MYT1L: variants seen among roughly 807,000 people sequenced by gnomAD.
MYT1L encodes myelin transcription factor 1 like.
In MYT1L, 12 loss-of-function variants were observed where a neutral mutation model predicts 126.7. That is an observed-to-expected ratio of 0.09 (90% CI 0.06 to 0.15). MYT1L has a LOEUF of 0.15. Ranked by LOEUF, MYT1L falls within the 10% of genes least tolerant of loss-of-function variation. The probability of loss-of-function intolerance (pLI) is 1.00; values close to 1 mark genes in which losing one functional copy is unlikely to be tolerated. For synonymous variants in MYT1L, 541 were observed against 604.2 expected, an observed-to-expected ratio of 0.90 and a Z score of 1.53; for missense variants, 979 against 1,585.2, an observed-to-expected ratio of 0.62 and a Z score of 6.49.
chr2:2,040,687 A>T (rs999977044), intron 4 of MYT1L, among the ~76,000 whole-genome samples: 2 of 152,214 alleles, frequency 1.3e-5, no homozygotes, highest in African/African-American at 4.8e-5. Flanking sequence ...TTTTGGAAAA[A>T]GCATCAATAT....
intron 18 of MYT1L, among the ~76,000 whole-genome samples, chr2:1,853,618 G>GT (rs1199881260): frequency 1.3e-5 from 2 of 152,164 alleles, no homozygotes; most frequent in African/African-American, 4.8e-5. Flanking sequence ...TATTAAAAAT[G>GT]TATCAAGAAA....
At chr2:2,056,771 A>G (rs531383115) in intron 3 of MYT1L, among the ~76,000 whole-genome samples, 31 of 152,320 alleles carry the variant, frequency 2.0e-4, no homozygotes, top group Admixed American at 1.8e-3. Context: ...AACAAAAATA[A>G]CAGCAGCCAG....
intron 22 of MYT1L, among the ~76,000 whole-genome samples, 165 bp downstream of exon 22, chr2:1,808,911 T>C (rs767447943): frequency 3.9e-5 from 6 of 152,184 alleles, no homozygotes; most frequent in Non-Finnish European, 7.3e-5. Context: ...GAAAGACTGC[T>C]TTTTCTCAAG....
chr2:2,166,015 A>G (rs2089050572), intron 3 of MYT1L, among the ~76,000 whole-genome samples: 1 of 152,228 alleles, frequency 6.6e-6, no homozygotes, highest in Admixed American at 6.5e-5. Flanking sequence ...TGCATGAAAT[A>G]TTATGAGAGC....
Position 1,922,279 on chromosome 2 carries a change from A to G in MYT1L, c.1483+7T>C. 6.2e-7 allele frequency: 1 copy of G among 1,611,346 alleles called. No individual in the cohort carries two copies. The highest frequency in any genetic ancestry group is 8.5e-7 in the Non-Finnish European group (1 of 1,177,950). On this transcript the variant is annotated splice_region_variant and intron_variant, in intron 10 of 24. Coordinates refer to ENST00000647738, the MANE Select transcript of MYT1L (RefSeq NM_001303052.2). This position sits in a 1 kb window ranked among gnomAD's most constrained non-coding sequence, Gnocchi z 7.4. ...ATGAGGCAACTTACGTTAGGTAGAA[A>G]TATTACCTTTACCATAGTATGGCTT...
chr2:2,183,549 T>C (rs2091768160), intron 2 of MYT1L, among the ~76,000 whole-genome samples: 1 of 152,152 alleles, frequency 6.6e-6, no homozygotes, highest in African/African-American at 2.4e-5. Flanking sequence ...GAAATCATGC[T>C]GTACTTGATG....
At position 1,928,168 on chromosome 2, in the gene MYT1L, G is replaced by A. The variant is rs528746715; in HGVS notation, c.506-4905C>T. On this transcript the variant is annotated intron_variant, in intron 9 of 24. Transcript: ENST00000647738. ...GAGTTTCACTGTGTTGCCCAGGCTC[G>A]TCTCAAAGTGATCTGCCTGCCTCGG... is the stretch of plus-strand genomic sequence containing the variant. Among the ~76,000 whole-genome samples the A allele has an allele frequency of 3.9e-5, 6 of 152,284 alleles. No homozygotes were observed. In the East Asian group the frequency reaches 7.7e-4, roughly 20 times the overall value.
intron 3 of MYT1L, among the ~76,000 whole-genome samples, chr2:2,172,218 A>G (rs1214265742): frequency 6.6e-6 from 1 of 151,864 alleles, no homozygotes; most frequent in African/African-American, 2.4e-5. Flanking sequence ...TCCCTCCCCA[A>G]TCCTCCAAAT....
chr2:2,133,675 C>A (rs1289993149), intron 3 of MYT1L, among the ~76,000 whole-genome samples: 1 of 152,130 alleles, frequency 6.6e-6, no homozygotes, highest in Non-Finnish European at 1.5e-5. Flanking sequence ...AACACACTTG[C>A]TGCTTTCTGA....
chr2:2,193,092 C>T (rs997086429), intron 2 of MYT1L, among the ~76,000 whole-genome samples: 6 of 152,256 alleles, frequency 3.9e-5, no homozygotes, highest in African/African-American at 1.4e-4. Flanking sequence ...ATTCTCCTGC[C>T]TCAGCCTCCC....
intron 19 of MYT1L, among the ~76,000 whole-genome samples, chr2:1,846,719 GGCGAAACA>G (rs2042544683): frequency 6.6e-6 from 1 of 152,194 alleles, no homozygotes; most frequent in Non-Finnish European, 1.5e-5. Context: ...CTGACCCTCT[GGCGAAACA>G]GCTCTATGCC....
At chr2:2,178,913 T>G (rs1379798422) in intron 2 of MYT1L, among the ~76,000 whole-genome samples, 1 of 152,186 alleles carries the variant, frequency 6.6e-6, no homozygotes, top group Non-Finnish European at 1.5e-5. Flanking sequence ...AATCTAAGAT[T>G]TAATTGCAGT....
intron 3 of MYT1L, among the ~76,000 whole-genome samples, chr2:2,152,494 T>A (rs776740331): frequency 1.3e-5 from 2 of 152,046 alleles, no homozygotes; most frequent in Non-Finnish European, 2.9e-5. Context: ...CCAAACTCAG[T>A]CTGAGGGAGG....
intron 9 of MYT1L, among the ~76,000 whole-genome samples, chr2:1,931,854 C>A (rs2055045715): frequency 6.6e-6 from 1 of 152,138 alleles, no homozygotes. Flanking sequence ...GGTGCAATGC[C>A]TTCCTCAACT....
chr2:1,813,880 A>G (rs2037150693), intron 21 of MYT1L, among the ~76,000 whole-genome samples: 3 of 99,416 alleles, frequency 3.0e-5, no homozygotes, highest in Admixed American at 1.1e-4. Context: ...ACAAAAAATT[A>G]GCCGGGCGTG....
intron 8 of MYT1L, among the ~76,000 whole-genome samples, chr2:1,958,352 G>A (rs1278941823): frequency 6.6e-6 from 1 of 152,064 alleles, no homozygotes; most frequent in African/African-American, 2.4e-5. Context: ...GGCCACTGCA[G>A]ATGGAAACCA....
chr2:2,318,405 A>G (rs2096105385), intron 1 of MYT1L, among the ~76,000 whole-genome samples: 2 of 152,230 alleles, frequency 1.3e-5, no homozygotes, highest in Non-Finnish European at 2.9e-5. Flanking sequence ...TAACTTTAAA[A>G]CTAGATGAAC....
chr2:2,231,250 T>C (rs769156102), intron 2 of MYT1L, among the ~76,000 whole-genome samples: 1 of 152,166 alleles, frequency 6.6e-6, no homozygotes, highest in Non-Finnish European at 1.5e-5. Context: ...AGGGAGATAC[T>C]AGTTATTCTG....
intron 18 of MYT1L, among the ~76,000 whole-genome samples, chr2:1,868,833 G>T (rs1489009279): frequency 6.6e-6 from 1 of 152,242 alleles, no homozygotes; most frequent in East Asian, 1.9e-4. Flanking sequence ...GCCTGGATCA[G>T]CTCCTTGACT....
Sources: gnomAD v4.1 joint callset for allele counts (sites outside exome capture counted in the v4.1 genomes callset) on GRCh38, gnomAD v4.1.1 for gene constraint, Gnocchi (gnomAD v3.1) non-coding constraint, MANE v1.5 for transcripts, NCBI Gene and HGNC (gene_info 2026-07-23, HGNC 2026-07-21) for gene names.